Variants in HERC3 observed in about 807,000 individuals in gnomAD.
HERC3 encodes HECT and RLD domain containing E3 ubiquitin protein ligase 3.
HERC3 carries 58 observed loss-of-function variants against 129.9 expected under a neutral mutation model. The observed-to-expected ratio is 0.45, with a 90% CI of 0.36 to 0.56. The LOEUF is 0.56. HERC3 is among the 20% of genes least tolerant of loss of function. The pLI, the probability that HERC3 is intolerant of heterozygous loss-of-function variation, is 0.00. For synonymous variants in HERC3, 430 were observed against 451.0 expected (o/e 0.95, Z 0.59); for missense variants, 835 against 1,244.2 (o/e 0.67, Z 4.95).
At chr4:88,703,154 A>T (rs1212039460) in intron 23 of HERC3, among the ~76,000 whole-genome samples, 3 of 152,022 alleles carry the variant, frequency 2.0e-5, no homozygotes, top group Non-Finnish European at 4.4e-5. Flanking sequence ...CCAAATACAC[A>T]CCCTTAACCA....
intron 25 of HERC3, 122 bp downstream of exon 25, chr4:88,704,732 A>C: frequency 4.6e-6 from 3 of 647,264 alleles, no homozygotes; most frequent in South Asian, 2.0e-5. Context: ...GTAATTCACT[A>C]TATGTATGCT....
intron 21 of HERC3, among the ~76,000 whole-genome samples, chr4:88,682,845 G>A (rs571157116): frequency 3.3e-5 from 5 of 151,790 alleles, no homozygotes; most frequent in Non-Finnish European, 7.4e-5. Context: ...CCCAGTAATG[G>A]GATGGCCGGG....
intron 2 of HERC3, among the ~76,000 whole-genome samples, 160 bp downstream of exon 2, chr4:88,595,774 G>T (rs1000623724): frequency 1.3e-5 from 2 of 150,030 alleles, no homozygotes; most frequent in Non-Finnish European, 3.0e-5. Flanking sequence ...CTAAGATAGT[G>T]AAGAGAACAA....
At chr4:88,535,430 T>G in the HERC3 span, among the ~76,000 whole-genome samples, 1 of 152,232 alleles carries the variant, frequency 6.6e-6, no homozygotes, top group African/African-American at 2.4e-5. Flanking sequence ...CTTAGAGAAT[T>G]CATAAACTGA....
At chr4:88,566,665 T>C in the HERC3 span, among the ~76,000 whole-genome samples, 2 of 152,242 alleles carry the variant, frequency 1.3e-5, no homozygotes, top group African/African-American at 4.8e-5. Context: ...TTAACATTTC[T>C]TGTAGGATAA....
intron 3 of HERC3, among the ~76,000 whole-genome samples, chr4:88,617,198 A>AG (rs1465484021): frequency 1.1e-3 from 166 of 151,068 alleles, no homozygotes; most frequent in African/African-American, 3.8e-3. Flanking sequence ...AAAAAAAAAA[A>AG]AAAGAAATTG....
At chr4:88,555,120 C>T in the HERC3 span, among the ~76,000 whole-genome samples, 1 of 151,798 alleles carries the variant, frequency 6.6e-6, no homozygotes. Flanking sequence ...CCTGTCTGTA[C>T]TAAAAATACA....
the HERC3 span, chr4:88,523,949 C>CT: frequency 2.1e-6 from 1 of 484,640 alleles, no homozygotes; most frequent in South Asian, 3.5e-5. Flanking sequence ...GCCCCGCCGC[C>CT]TTACCAGACT....
chr4:88,611,853 G>C (rs3017896), intron 3 of HERC3, among the ~76,000 whole-genome samples: 30,480 of 152,164 alleles, frequency 0.2, 4,110 homozygotes, highest in Non-Finnish European at 0.3. Context: ...TAGTCTGGAG[G>C]AGAATTTATT....
rs777522341 is a variant in HERC3 at position 88,669,846 on chromosome 4, C to T, written c.1634-14C>T. 1.0e-5 allele frequency: 16 copies of T among 1,605,162 alleles called. No homozygotes were observed. In the South Asian group the frequency reaches 1.5e-4, roughly 15 times the overall value. ...GATTACATGTTGAAATATGTCTTTTCTTTCTTTCTAAAGATAACTGGTGGT... is the reference window on the plus strand; with the variant it reads ...GATTACATGTTGAAATATGTCTTTTTTTTCTTTCTAAAGATAACTGGTGGT... On this transcript the variant is annotated splice_polypyrimidine_tract_variant and intron_variant, in intron 14 of 25. Transcript: ENST00000402738.
chr4:88,665,156 A>G (rs1191747069), intron 12 of HERC3, among the ~76,000 whole-genome samples: 2 of 152,220 alleles, frequency 1.3e-5, no homozygotes, highest in Non-Finnish European at 2.9e-5. Flanking sequence ...AAATAGATAG[A>G]TGGATGTATC....
chr4:88,667,304 T>G (rs1262241465), intron 12 of HERC3, 73 bp from the exon 13 acceptor site: 2 of 733,400 alleles, frequency 2.7e-6, no homozygotes, highest in African/African-American at 3.6e-5. Flanking sequence ...CACAGTATTT[T>G]ACTTGTTTAT....
chr4:88,618,956 T>C (rs1178564731), intron 3 of HERC3, among the ~76,000 whole-genome samples: 1 of 151,828 alleles, frequency 6.6e-6, no homozygotes, highest in Non-Finnish European at 1.5e-5. Flanking sequence ...GAGACCTTCT[T>C]AGACTGACCT....
In HERC3 at chr4:88,609,028, C is replaced by A. The variant is rs141143489; in HGVS notation, c.226+2979C>A. On this transcript the variant is annotated intron_variant, in intron 3 of 25. Coordinates refer to ENST00000402738, the MANE Select transcript of HERC3 (RefSeq NM_014606.3). Reference sequence around the variant, plus strand: ...TATAGTCTAGGTGTGGTGGCACACACCTGTAATCCCATCACTTTGGGAGGC... The same window carrying A: ...TATAGTCTAGGTGTGGTGGCACACAACTGTAATCCCATCACTTTGGGAGGC... 4.0e-4 allele frequency among the ~76,000 whole-genome samples: 61 copies of A among 151,788 alleles called. No individual in the cohort carries two copies. The East Asian group carries it at 0.011, about 28-fold the overall frequency.
intron 23 of HERC3, among the ~76,000 whole-genome samples, chr4:88,698,068 G>A (rs896792979): frequency 2.6e-5 from 4 of 152,188 alleles, no homozygotes; most frequent in African/African-American, 9.7e-5. Context: ...GCTGGGCTGG[G>A]AGTGTCAGTA....
the HERC3 span, among the ~76,000 whole-genome samples, chr4:88,547,823 T>C: frequency 1.2e-4 from 18 of 152,268 alleles, no homozygotes; most frequent in Admixed American, 1.2e-3. Flanking sequence ...TTCTGGCTAA[T>C]TTTTATAGTT....
chr4:88,618,479 A>G (rs1725164489), intron 3 of HERC3, among the ~76,000 whole-genome samples: 1 of 152,244 alleles, frequency 6.6e-6, no homozygotes, highest in African/African-American at 2.4e-5. Context: ...CTAATTTGTC[A>G]TAAAGCCTTT....
In HERC3 at chr4:88,662,480, C is replaced by CTAT. The variant is rs1357002386; in HGVS notation, c.1196_1197insTAT (p.Thr399_Ser400insIle). ...AGGACTATGAACCAAGCACATTATACCAGTTTAATAAATGATGAAACCATA... is the reference window on the plus strand; with the variant it reads ...AGGACTATGAACCAAGCACATTATACTATCAGTTTAATAAATGATGAAACCATA... On this transcript the variant is annotated inframe_insertion, in exon 11 of 26. Transcript: ENST00000402738. 1 of 1,612,368 alleles carries CTAT rather than the reference C, an allele frequency of 6.2e-7. No individual in the cohort carries two copies.
the HERC3 span, among the ~76,000 whole-genome samples, chr4:88,547,394 T>C: frequency 6.6e-6 from 1 of 152,218 alleles, no homozygotes; most frequent in Admixed American, 6.5e-5. Context: ...ACTTAAAATG[T>C]AAAATTTAAT....
Sources: gnomAD v4.1 joint callset for allele counts (sites outside exome capture counted in the v4.1 genomes callset) on GRCh38, gnomAD v4.1.1 for gene constraint, MANE v1.5 for transcripts, NCBI Gene and HGNC (gene_info 2026-07-23, HGNC 2026-07-21) for gene names.